Variants in SYTL2 observed in about 807,000 individuals in gnomAD.
The protein encoded by SYTL2 is synaptotagmin-like protein 2.
SYTL2 carries 165 observed loss-of-function variants against 198.7 expected under a neutral mutation model. The observed-to-expected ratio is 0.83, with a 90% CI of 0.73 to 0.94. SYTL2 has a LOEUF of 0.94. Among genes scored for constraint, SYTL2 ranks in the 40% least tolerant of loss-of-function variants. The pLI, the probability that SYTL2 is intolerant of heterozygous loss-of-function variation, is 0.00. For missense variants in SYTL2, 2,835 were observed against 2,582.8 expected (o/e 1.10, Z -2.12); for synonymous variants, 966 against 917.7 (o/e 1.05, Z -0.95).
Position 85,727,461 on chromosome 11 carries a change from G to T in SYTL2, c.1897C>A (p.Pro633Thr), listed in dbSNP as rs575598275. 2.0e-6 allele frequency: 3 copies of T among 1,535,958 alleles called. No homozygotes were observed. Among genetic ancestry groups the T allele is most frequent in the Non-Finnish European group, 2.6e-6 (3 of 1,146,846 alleles). The change falls in exon 8 of 20, where the codon CCA (proline) becomes ACA (threonine). Residue 633 changes from proline to threonine, a missense_variant. Around this residue, in one of 3 missense-constraint regions of SYTL2, gnomAD observed 2,645 missense variants for 2,381.7 expected, o/e 1.11. Coordinates refer to ENST00000359152, the MANE Select transcript of SYTL2 (RefSeq NM_206927.4). ...TPKEGPGILQ[P>T]FESYGTPSQG... ...CTTGGGGTGCCATAGCTTTCAAATG[G>T]TTGCAATATACCTGGGCCTTCCTTT...
At position 85,695,071 on chromosome 11, in the gene SYTL2, G is replaced by A. The variant is rs954498947; in HGVS notation, c.*124C>T. 4.3e-6 allele frequency: 4 copies of A among 933,392 alleles called. No homozygotes were observed. In the East Asian group the frequency reaches 7.7e-5, roughly 18 times the overall value. The allele number at this position is 933,392 out of a possible 1,614,324, so 57.8% of individuals were successfully genotyped here. On this transcript the variant is annotated 3_prime_UTR_variant, in exon 20 of 20. Coordinates refer to ENST00000359152, the MANE Select transcript of SYTL2 (RefSeq NM_206927.4). Reference sequence around the variant, plus strand: ...AGCACATGCAGATTGACTTTTACATGCTGTGTAGTATTCCTTAGGTGCAAT... The same window carrying A: ...AGCACATGCAGATTGACTTTTACATACTGTGTAGTATTCCTTAGGTGCAAT...
intron 3 of SYTL2, 68 bp downstream of exon 3, chr11:85,748,204 T>C (rs1276418717): frequency 1.3e-6 from 2 of 1,522,932 alleles, no homozygotes; most frequent in Non-Finnish European, 1.8e-6. Flanking sequence ...TCTGACACCA[T>C]TCCCTTCTCC....
At chr11:85,794,038 G>GT (rs981750306) in intron 1 of SYTL2, among the ~76,000 whole-genome samples, 8 of 151,332 alleles carry the variant, frequency 5.3e-5, no homozygotes, top group East Asian at 1.9e-4. Context: ...AGCAGATTCA[G>GT]TTTTTTTTTC....
At position 85,734,668 on chromosome 11, in the gene SYTL2, T is replaced by C. The variant is rs968940565; in HGVS notation, c.661A>G (p.Thr221Ala). 1.9e-6 allele frequency: 3 copies of C among 1,614,090 alleles called. No homozygotes were observed. ...SIQKLEKSKQ[T>A]LPGLSNGSQI... ...GACCCATTTGAAAGGCCTGGCAAAG[T>C]CTGCTTTGATTTCTCTAACTTTTGG... The change falls in exon 7 of 20, where the codon ACT (threonine) becomes GCT (alanine). Residue 221 changes from threonine to alanine, a missense_variant. Thr to Ala is a moderately conservative substitution (Grantham distance 58). Around this residue, in one of 3 missense-constraint regions of SYTL2, gnomAD observed 2,645 missense variants for 2,381.7 expected, o/e 1.11. Coordinates refer to ENST00000359152, the MANE Select transcript of SYTL2 (RefSeq NM_206927.4).
intron 1 of SYTL2, among the ~76,000 whole-genome samples, chr11:85,789,959 T>C (rs954241424): frequency 6.6e-6 from 1 of 152,080 alleles, no homozygotes; most frequent in Non-Finnish European, 1.5e-5. Context: ...CCAAAATGCT[T>C]GGGATCAGAA....
the SYTL2 span, among the ~76,000 whole-genome samples, chr11:85,831,861 G>T: frequency 6.6e-6 from 1 of 151,676 alleles, no homozygotes; most frequent in Non-Finnish European, 1.5e-5. Flanking sequence ...CACATAATAA[G>T]CTGCACATAC....
the SYTL2 span, among the ~76,000 whole-genome samples, chr11:85,833,159 GAAA>G: frequency 0.014 from 1,305 of 92,980 alleles, 182 homozygotes; most frequent in African/African-American, 0.032. Flanking sequence ...AGGAAGGAAA[GAAA>G]GAAAGAAAGA....
In SYTL2 at chr11:85,704,867, C is replaced by A. The variant is rs778004328; in HGVS notation, c.6180G>T (p.Leu2060=). ...AAAATTCCGGACTCACCTTCCGCTT[C>A]AGAGGGTACCATCTCAATTGTTTAT... ...KQNKQLRWYP[L]KRKTAPVALE... The change falls in exon 16 of 20, where the codon CTG becomes CTT. Residue 2060 remains leucine, a synonymous_variant. Transcript: ENST00000359152. 92 of 1,612,684 alleles carry A rather than the reference C, an allele frequency of 5.7e-5. No homozygotes were observed. Among genetic ancestry groups the A allele is most frequent in the Admixed American group, 3.2e-4 (19 of 59,900 alleles).
At chr11:85,818,217 T>G in the SYTL2 span, among the ~76,000 whole-genome samples, 2 of 152,146 alleles carry the variant, frequency 1.3e-5, no homozygotes, top group Non-Finnish European at 2.9e-5. Context: ...GAACCTTGAT[T>G]AACCATACAC....
Position 85,724,178 on chromosome 11 carries a change from T to C in SYTL2, c.5180A>G (p.Asn1727Ser), listed in dbSNP as rs764883923. 1.9e-6 allele frequency: 3 copies of C among 1,604,186 alleles called. No homozygotes were observed. Among genetic ancestry groups the C allele is most frequent in the Non-Finnish European group, 2.5e-6 (3 of 1,177,596 alleles). The change falls in exon 8 of 20, where the codon AAC becomes AGC. Residue 1727 changes from asparagine to serine, a missense_variant. Around this residue, in one of 3 missense-constraint regions of SYTL2, gnomAD observed 2,645 missense variants for 2,381.7 expected, o/e 1.11. Coordinates refer to ENST00000359152, the MANE Select transcript of SYTL2 (RefSeq NM_206927.4). ...QPIPLLMNKE[N>S]STKTSKVELT... ...TTCAACTTTACTTGTTTTTGTAGAG[T>C]TTTCTTTGTTCATCAGGAGAGGAAT... is the stretch of plus-strand genomic sequence containing the variant.
At chr11:85,783,664 G>C (rs1393347685) in intron 1 of SYTL2, among the ~76,000 whole-genome samples, 1 of 152,146 alleles carries the variant, frequency 6.6e-6, no homozygotes, top group African/African-American at 2.4e-5. Flanking sequence ...CATGAAGTAA[G>C]CATTCTACAG....
upstream of SYTL2, among the ~76,000 whole-genome samples, chr11:85,815,903 C>T (rs2093060689): frequency 6.6e-6 from 1 of 152,170 alleles, no homozygotes; most frequent in African/African-American, 2.4e-5. Context: ...GTGACTCATT[C>T]CTGTAATCCC....
At chr11:85,843,301 G>C in the SYTL2 span, among the ~76,000 whole-genome samples, 2 of 152,178 alleles carry the variant, frequency 1.3e-5, no homozygotes, top group African/African-American at 4.8e-5. Context: ...CTGGGAGGCA[G>C]AGGTTGCAGT....
At chr11:85,755,280 A>T (rs901306078) in intron 2 of SYTL2, among the ~76,000 whole-genome samples, 1 of 152,106 alleles carries the variant, frequency 6.6e-6, no homozygotes, top group Non-Finnish European at 1.5e-5. Context: ...TCTGCCATCT[A>T]TCTGTGCACT....
chr11:85,744,532 C>T (rs1401073509), intron 4 of SYTL2, among the ~76,000 whole-genome samples: 1 of 152,120 alleles, frequency 6.6e-6, no homozygotes, highest in Non-Finnish European at 1.5e-5. Flanking sequence ...AAAGGGTACC[C>T]TTAGAGTACC....
chr11:85,725,633 T>C lies in SYTL2; in HGVS notation c.3725A>G (p.Lys1242Arg). ...LAPVITGTNS[K>R]LEEGRFFGKG... ...TCCAAAAAATCTCCCCTCTTCCAGC[T>C]TAGAGTTGGTTCCAGTGATAACAGG... The change falls in exon 8 of 20, where the codon AAG (lysine) becomes AGG (arginine). Residue 1242 changes from lysine (K) to arginine (R), a missense_variant. Lys to Arg is a conservative substitution (Grantham distance 26). Coordinates refer to ENST00000359152, the MANE Select transcript of SYTL2 (RefSeq NM_206927.4). 6.2e-7 allele frequency: 1 copy of C among 1,614,152 alleles called. No homozygotes were observed. Among genetic ancestry groups the C allele is most frequent in the South Asian group, 1.1e-5 (1 of 91,090 alleles).
the SYTL2 span, among the ~76,000 whole-genome samples, chr11:85,822,256 T>G: frequency 6.6e-6 from 1 of 152,276 alleles, no homozygotes; most frequent in African/African-American, 2.4e-5. Flanking sequence ...CTCGGACTCC[T>G]AGTCATGGGG....
intron 1 of SYTL2, among the ~76,000 whole-genome samples, chr11:85,787,121 T>C (rs1207709826): frequency 6.6e-6 from 1 of 152,208 alleles, no homozygotes; most frequent in Admixed American, 6.5e-5. Flanking sequence ...GAGCCTGCTG[T>C]AGTAGCAAGT....
In SYTL2 at chr11:85,717,470, T is replaced by A. The variant is rs753112094; in HGVS notation, c.5530+13A>T. ...AATGTTTAGTCATTTGTGAGAAAGA[T>A]CCTGCTACTCACTTCTTGGTACGCA... is the stretch of plus-strand genomic sequence containing the variant. On this transcript the variant is annotated intron_variant, in intron 11 of 19. Transcript: ENST00000359152. 26 of 1,610,568 alleles carry A rather than the reference T, an allele frequency of 1.6e-5. No individual in the cohort carries two copies. Among genetic ancestry groups the A allele is most frequent in the Non-Finnish European group, 2.0e-5 (23 of 1,177,138 alleles).
Sources: gnomAD v4.1 joint callset for allele counts (sites outside exome capture counted in the v4.1 genomes callset) on GRCh38, gnomAD v4.1.1 for gene constraint, gnomAD v4.1.1 regional missense constraint, MANE v1.5 for transcripts, NCBI Gene and HGNC (gene_info 2026-07-23, HGNC 2026-07-21) for gene names.